Variants in ANO3 observed in about 807,000 individuals in gnomAD.
ANO3 encodes the protein anoctamin 3.
A neutral mutation model predicts 144.8 loss-of-function variants in ANO3; 99 were observed. That is an observed-to-expected ratio of 0.68 (90% confidence interval 0.58 to 0.81). The LOEUF (loss-of-function observed/expected upper bound fraction) is 0.81. Ranked by LOEUF, ANO3 falls within the 30% of genes least tolerant of loss-of-function variation. ANO3 has a pLI of 0.00. For missense variants in ANO3, 905 were observed against 1,202.2 expected, an observed-to-expected ratio of 0.75 and a Z score of 3.66; for synonymous variants, 414 against 392.6, an observed-to-expected ratio of 1.05 and a Z score of -0.64.
intron 1 of ANO3, among the ~76,000 whole-genome samples, chr11:26,289,680 C>T (rs1302253920): frequency 1.3e-5 from 1 of 79,080 alleles, no homozygotes; most frequent in Non-Finnish European, 2.4e-5. Context: ...TGTACATATA[C>T]ACACATATAT....
chr11:26,380,535 C>G (rs1053171784), intron 1 of ANO3, among the ~76,000 whole-genome samples: 3 of 152,132 alleles, frequency 2.0e-5, no homozygotes, highest in Admixed American at 6.6e-5. Context: ...TCTTTATGTT[C>G]TCACATGGTG....
intron 1 of ANO3, among the ~76,000 whole-genome samples, chr11:26,201,005 G>A (rs2133911998): frequency 6.6e-6 from 1 of 152,146 alleles, no homozygotes; most frequent in South Asian, 2.1e-4. Context: ...CATTTAGAGA[G>A]TTGATGCTTG....
chr11:26,407,072 G>GTATA (rs1453977441), intron 1 of ANO3, among the ~76,000 whole-genome samples: 15 of 101,464 alleles, frequency 1.5e-4, no homozygotes, highest in African/African-American at 2.8e-4. Context: ...GTGTGTGTGT[G>GTATA]TGTGTATATA....
intron 1 of ANO3, among the ~76,000 whole-genome samples, chr11:26,340,459 C>G (rs978451974): frequency 6.6e-6 from 1 of 152,154 alleles, no homozygotes; most frequent in African/African-American, 2.4e-5. Context: ...TTTGTGAGAT[C>G]TGAAGAATCA....
intron 1 of ANO3, among the ~76,000 whole-genome samples, chr11:26,236,382 T>C (rs16915391): frequency 0.018 from 2,741 of 152,162 alleles, 36 homozygotes; most frequent in Non-Finnish European, 0.026. Flanking sequence ...TATACTATAC[T>C]TCAAGCAATC....
rs548106170 is a variant in ANO3 at position 26,572,546 on chromosome 11, G to A, written c.1447+12767G>A. ...CTGCACTTGTTGCTCTATGCCAGCC[G>A]CACATTCTCTGAAATCATAAACAAT... On this transcript the variant is annotated intron_variant, in intron 14 of 26. Coordinates refer to ENST00000256737, the MANE Select transcript of ANO3 (RefSeq NM_031418.4). Among the ~76,000 whole-genome samples the A allele has an allele frequency of 2.0e-4, 31 of 152,172 alleles. No individual in the cohort carries two copies. In the South Asian group the frequency reaches 2.1e-3, roughly 10 times the overall value.
chr11:26,359,609 T>G (rs1436918894), intron 1 of ANO3, among the ~76,000 whole-genome samples: 2 of 151,946 alleles, frequency 1.3e-5, no homozygotes, highest in East Asian at 4.0e-4. Context: ...ACTGTGCACC[T>G]TGGTCTCCTT....
At chr11:26,212,977 A>G (rs1310117307) in intron 1 of ANO3, among the ~76,000 whole-genome samples, 1 of 152,156 alleles carries the variant, frequency 6.6e-6, no homozygotes, top group Non-Finnish European at 1.5e-5. Flanking sequence ...CTGGTTCAAC[A>G]TATGCAAATC....
intron 1 of ANO3, among the ~76,000 whole-genome samples, chr11:26,315,028 T>C (rs1854589185): frequency 6.6e-6 from 1 of 152,124 alleles, no homozygotes; most frequent in South Asian, 2.1e-4. Flanking sequence ...TATGAGTAAA[T>C]ATTATTGTTT....
rs12290008 is a variant in ANO3 at position 26,485,616 on chromosome 11, T to C, written c.432+22468T>C. Among the ~76,000 whole-genome samples, 696 of 152,294 alleles carry C rather than the reference T, an allele frequency of 4.6e-3. 2 individuals are homozygous for C. Among genetic ancestry groups the C allele is most frequent in the African/African-American group, 0.016 (660 of 41,556 alleles). On this transcript the variant is annotated intron_variant, in intron 4 of 26. Coordinates refer to ENST00000256737, the MANE Select transcript of ANO3 (RefSeq NM_031418.4). ...AAAATACATCTGATGATTAGGGATG[T>C]TGAGCATTTTTTCATATGCTTGGTC...
At chr11:26,546,738 T>C (rs1849798916) in intron 11 of ANO3, among the ~76,000 whole-genome samples, 1 of 152,018 alleles carries the variant, frequency 6.6e-6, no homozygotes. Context: ...ACGCATTAAC[T>C]CTCTTAGCAT....
chr11:26,621,615 C>A (rs1590642038), intron 17 of ANO3, among the ~76,000 whole-genome samples: 1 of 152,100 alleles, frequency 6.6e-6, no homozygotes, highest in Admixed American at 6.5e-5. Context: ...TCCCTCAGAG[C>A]ACTTTTCACC....
chr11:26,464,098 T>G (rs770375480), intron 4 of ANO3, among the ~76,000 whole-genome samples: 68 of 151,894 alleles, frequency 4.5e-4, no homozygotes, highest in Admixed American at 2.2e-3. Context: ...AATATCTTTA[T>G]TAGTCACCCA....
intron 17 of ANO3, among the ~76,000 whole-genome samples, chr11:26,616,436 G>GA (rs895372799): frequency 2.9e-5 from 4 of 137,448 alleles, no homozygotes; most frequent in African/African-American, 5.4e-5. Context: ...TGCGTTTCTG[G>GA]TTTTTTTTTT....
At chr11:26,200,350 A>C (rs1851669130) in intron 1 of ANO3, among the ~76,000 whole-genome samples, 1 of 152,120 alleles carries the variant, frequency 6.6e-6, no homozygotes. Context: ...TTTCTTCAAA[A>C]TTTCTCTCAA....
At chr11:26,456,476 T>G (rs943794425) in intron 3 of ANO3, among the ~76,000 whole-genome samples, 29 of 151,092 alleles carry the variant, frequency 1.9e-4, no homozygotes, top group African/African-American at 4.9e-4. Flanking sequence ...ATGAAAAAAT[T>G]CTCATCATCA....
chr11:26,659,795 C>T (rs894412130), intron 26 of ANO3, among the ~76,000 whole-genome samples: 2 of 152,042 alleles, frequency 1.3e-5, no homozygotes. Flanking sequence ...GATATATGAA[C>T]TTAATAGACA....
intron 1 of ANO3, among the ~76,000 whole-genome samples, chr11:26,270,341 T>C (rs1472101956): frequency 2.0e-5 from 3 of 152,148 alleles, no homozygotes; most frequent in Non-Finnish European, 2.9e-5. Context: ...AACAATCTAC[T>C]AAAATTACTC....
chr11:26,641,157 C>G (rs1265924754), intron 21 of ANO3, among the ~76,000 whole-genome samples: 1 of 152,118 alleles, frequency 6.6e-6, no homozygotes, highest in Non-Finnish European at 1.5e-5. Context: ...CAAGATTGTA[C>G]TTGGGCTAAG....
Sources: gnomAD v4.1 joint callset for allele counts (sites outside exome capture counted in the v4.1 genomes callset) on GRCh38, gnomAD v4.1.1 for gene constraint, MANE v1.5 for transcripts, NCBI Gene and HGNC (gene_info 2026-07-23, HGNC 2026-07-21) for gene names.